The following NUP214 variants were observed in gnomAD, a reference collection of about 807,000 sequenced individuals.
The protein encoded by NUP214 is nucleoporin 214.
Under a neutral mutation model 196.2 loss-of-function variants are expected in NUP214, and 79 were observed. That is an observed-to-expected ratio of 0.40 (90% CI 0.34 to 0.49). The LOEUF is 0.49. NUP214 is among the 20% of genes least tolerant of loss of function. The pLI, the probability that NUP214 is intolerant of heterozygous loss-of-function variation, is 0.58. For missense variants in NUP214, 2,468 were observed against 2,539.0 expected (o/e 0.97, Z 0.60); for synonymous variants, 1,020 against 990.5 (o/e 1.03, Z -0.56).
Position 131,185,321 on chromosome 9 carries a change from A to G in NUP214, c.3420-1968A>G, listed in dbSNP as rs2131020013. Among the ~76,000 whole-genome samples the G allele has an allele frequency of 1.3e-5, 2 of 152,322 alleles. 1 individual carries two copies. Among genetic ancestry groups the G allele is most frequent in the Middle Eastern group, 6.8e-3 (2 of 294 alleles). On this transcript the variant is annotated intron_variant, in intron 24 of 35. Transcript: ENST00000359428. ...CTCTTCTGTGTTTTATTTTTCTCCA[A>G]GAACCCGAGTTTCCAGACTCTTAGT...
At position 131,130,149 on chromosome 9, in the gene NUP214, TTG is replaced by T. The variant is rs1412475111; in HGVS notation, c.593-615_593-614del. On this transcript the variant is annotated intron_variant, in intron 4 of 35. Coordinates refer to ENST00000359428, the MANE Select transcript of NUP214 (RefSeq NM_005085.4). ...GATTTCTGGTTTTGTTTTTTTTTTT[TTG>T]TTTTTTTTTTGAGACAGAGTCTTGC... Among the ~76,000 whole-genome samples, 88 of 108,646 alleles carry T rather than the reference TTG, an allele frequency of 8.1e-4. 9 individuals carry two copies. Among genetic ancestry groups the T allele is most frequent in the East Asian group, 1.9e-3 (7 of 3,686 alleles). The allele number at this position is 108,646 out of a possible 152,430, so 71.3% of individuals were successfully genotyped here.
Position 131,146,440 on chromosome 9 carries a change from A to G in NUP214, c.1945+136A>G, listed in dbSNP as rs959989302. The G allele has an allele frequency of 1.3e-5, 11 of 846,104 alleles. No homozygotes were observed. In the African/African-American group the frequency reaches 1.7e-4, roughly 13 times the overall value. The allele number at this position is 846,104 out of a possible 1,614,324, so 52.4% of individuals were successfully genotyped here. ...TTCCTGTATCATACATTAATGATTA[A>G]TGTGCTGTGATTTTCATACTCTGAA... On this transcript the variant is annotated intron_variant, in intron 13 of 35. Coordinates refer to ENST00000359428, the MANE Select transcript of NUP214 (RefSeq NM_005085.4). This position sits in a 1 kb window ranked among gnomAD's most constrained non-coding sequence, Gnocchi z 4.6.
At chr9:131,223,735 T>TATTTTTA (rs1564219806) in intron 32 of NUP214, among the ~76,000 whole-genome samples, 11 of 13,148 alleles carry the variant, frequency 8.4e-4, no homozygotes, top group African/African-American at 1.6e-3. Context: ...TTATTTTTTT[T>TATTTTTA]TTTTTTTTTT....
rs1021325765 is a variant in NUP214 at position 131,234,387 on chromosome 9, G to A, written c.*900G>A. On this transcript the variant is annotated 3_prime_UTR_variant, in exon 36 of 36. Transcript: ENST00000359428. The stretch of plus-strand genomic sequence containing the variant: ...ATTTGACAACAGTGTTTGCTAGGAC[G>A]GCCCAGAGCTCATCACTGCAGTTTT... The A allele has an allele frequency of 4.3e-5, 10 of 232,704 alleles. No homozygotes were observed. The highest frequency in any genetic ancestry group is 2.0e-4 in the African/African-American group (9 of 45,418). 14.4% of individuals were successfully genotyped at this position (232,704 alleles called of 1,614,324 possible).
intron 2 of NUP214, 78 bp from the exon 3 acceptor site, chr9:131,128,254 C>T: frequency 7.1e-7 from 1 of 1,413,466 alleles, no homozygotes; most frequent in Non-Finnish European, 9.5e-7. Context: ...AAAATTTTTT[C>T]ACATCGAACT....
chr9:131,174,012 G>A (rs1564194986), intron 21 of NUP214, 43 bp from the exon 22 acceptor site: 3 of 1,594,998 alleles, frequency 1.9e-6, no homozygotes, highest in African/African-American at 1.4e-5. Context: ...TTTTGGGCTT[G>A]CTTTGAGTTG....
At position 131,187,383 on chromosome 9, in the gene NUP214, CTTTT is replaced by C. The variant is rs528695111; in HGVS notation, c.3495+37_3495+40del. 2,556 of 1,049,028 alleles carry C rather than the reference CTTTT, an allele frequency of 2.4e-3. No homozygotes were observed. Among genetic ancestry groups the C allele is most frequent in the Non-Finnish European group, 2.7e-3 (2,057 of 763,688 alleles). The allele number at this position is 1,049,028 out of a possible 1,614,324, so 65.0% of individuals were successfully genotyped here. On this transcript the variant is annotated intron_variant, in intron 25 of 35. Transcript: ENST00000359428. ...CAAGCAGGTAACTTACTGATTTTTA[CTTTT>C]TTTTTTTTTTTTTTTTTGAGACAGA...
chr9:131,232,302 A>G lies in NUP214; in HGVS notation c.6233A>G (p.Asn2078Ser), dbSNP rs144737973. Residue 2078 changes from asparagine (N) to serine (S), a missense_variant, in exon 35 of 36, where the codon AAT (asparagine) becomes AGT (serine). By Grantham distance (46) the Asn-to-Ser change is conservative. This residue lies in a region of NUP214 where 262 missense variants were observed against 296.5 expected (regional missense o/e 0.88). Coordinates refer to ENST00000359428, the MANE Select transcript of NUP214 (RefSeq NM_005085.4). This position sits in a 1 kb window ranked among gnomAD's most constrained non-coding sequence, Gnocchi z 5.1. ...TTTTCAGGGTTCAGCTTTGGGTCAAATAACTCGTAAGTATCCCCCTTTTTG... is the reference window on the plus strand; with the variant it reads ...TTTTCAGGGTTCAGCTTTGGGTCAAGTAACTCGTAAGTATCCCCCTTTTTG... ...SGTGGFSFGS[N>S]NSSVQGFGGW... 1.4e-4 allele frequency: 226 copies of G among 1,614,168 alleles called. No individual in the cohort carries two copies. In the African/African-American group the frequency reaches 2.7e-3, roughly 19 times the overall value.
At chr9:131,155,690 T>C (rs1272859104) in intron 17 of NUP214, among the ~76,000 whole-genome samples, 1 of 152,226 alleles carries the variant, frequency 6.6e-6, no homozygotes. Flanking sequence ...TTCATTCTTT[T>C]ACATGTGGCT....
chr9:131,192,166 A>ATTTTTT (rs1211846066), intron 26 of NUP214, 42 bp from the exon 27 acceptor site: 2 of 725,950 alleles, frequency 2.8e-6, no homozygotes, highest in Admixed American at 4.3e-5. Flanking sequence ...TTTTTGTAAT[A>ATTTTTT]TTCTTTTTTT....
intron 9 of NUP214, 99 bp downstream of exon 9, chr9:131,136,105 A>G: frequency 6.4e-6 from 6 of 942,380 alleles, no homozygotes; most frequent in East Asian, 2.6e-5. Context: ...CAGTGGTGCA[A>G]TTTCAGCTTA....
chr9:131,187,007 G>C (rs1409786985), intron 24 of NUP214: 1 of 354,228 alleles, frequency 2.8e-6, no homozygotes, highest in African/African-American at 2.1e-5. Flanking sequence ...ACTCTGGATA[G>C]CAAAAAGATC....
At chr9:131,182,908 T>C (rs1833327250) in intron 24 of NUP214, among the ~76,000 whole-genome samples, 1 of 152,228 alleles carries the variant, frequency 6.6e-6, no homozygotes, top group Non-Finnish European at 1.5e-5. Flanking sequence ...GGGTTTATAG[T>C]ATACATCTTC....
At chr9:131,130,630 T>G in intron 4 of NUP214, 136 bp from the exon 5 acceptor site, 1 of 760,606 alleles carries the variant, frequency 1.3e-6, no homozygotes, top group Non-Finnish European at 2.2e-6. Context: ...TTTTTTCCAC[T>G]TTGCCTGATA....
rs1443401404 is a variant in NUP214, at chr9:131,146,307, A to G, written c.1945+3A>G. 1.2e-6 allele frequency: 2 copies of G among 1,614,044 alleles called. No individual in the cohort carries two copies. The highest frequency in any genetic ancestry group is 3.3e-5 in the Admixed American group (2 of 60,020). On this transcript the variant is annotated splice_donor_region_variant and intron_variant, in intron 13 of 35. Transcript: ENST00000359428. The surrounding 1 kb of genome is among the most constrained non-coding windows in gnomAD (Gnocchi z 4.6). ...CTCAGTCTTGCCCTCACCATCAGGT[A>G]TGATTTTAAGCAGACAACTTTAGAC...
At position 131,133,471 on chromosome 9, in the gene NUP214, A is replaced by AT. The variant is rs532268977; in HGVS notation, c.831+274dup. The stretch of plus-strand genomic sequence containing the variant: ...AGGTGCACACCACTATGCCTGGCTA[A>AT]TTTTTTTTTTTTGGTAGAGATGGAG... On this transcript the variant is annotated intron_variant, in intron 7 of 35. Transcript: ENST00000359428. Among the ~76,000 whole-genome samples, 154 of 145,802 alleles carry AT rather than the reference A, an allele frequency of 1.1e-3. No homozygotes were observed. The South Asian group carries it at 0.015, about 14-fold the overall frequency.
At chr9:131,165,904 CAAATT>C (rs1488220488) in intron 21 of NUP214, among the ~76,000 whole-genome samples, 1 of 151,922 alleles carries the variant, frequency 6.6e-6, no homozygotes, top group East Asian at 1.9e-4. Flanking sequence ...CTAGAGACAT[CAAATT>C]CATAGAGATG....
At chr9:131,223,727 A>ATTTATTTATTTATTTTATTTTATTTTTTT in intron 32 of NUP214, among the ~76,000 whole-genome samples, 1 of 15,642 alleles carries the variant, frequency 6.4e-5, no homozygotes, top group African/African-American at 1.5e-4. Context: ...TTATTTATTT[A>ATTTATTTATTTATTTTATTTTATTTTTTT]TTTTTTTTTT....
At chr9:131,233,340 A>T in intron 35 of NUP214, 114 bp from the exon 36 acceptor site, 1 of 1,112,642 alleles carries the variant, frequency 9.0e-7, no homozygotes, top group South Asian at 1.7e-5. Flanking sequence ...TGTATCAAAA[A>T]AATAATAATA....
Sources: allele counts gnomAD v4.1 joint callset (sites outside exome capture counted in the v4.1 genomes callset), GRCh38; gene constraint gnomAD v4.1.1; regional missense constraint gnomAD v4.1.1; non-coding constraint Gnocchi (gnomAD v3.1); transcripts MANE v1.5; gene names NCBI Gene and HGNC (gene_info 2026-07-23, HGNC 2026-07-21).